Variants in PHACTR3 observed in about 807,000 individuals in gnomAD.
PHACTR3 encodes the protein protein phosphatase 1, regulatory subunit 123.
PHACTR3 carries 16 observed loss-of-function variants against 66.8 expected under a neutral mutation model. The observed-to-expected ratio is 0.24, with a 90% CI of 0.16 to 0.36. The LOEUF is 0.36. Ranked by LOEUF, PHACTR3 falls within the 10% of genes least tolerant of loss-of-function variation. PHACTR3 has a pLI of 1.00. For missense variants in PHACTR3, 647 were observed against 719.9 expected, an observed-to-expected ratio of 0.90 and a Z score of 1.16; for synonymous variants, 323 against 292.1, an observed-to-expected ratio of 1.11 and a Z score of -1.08.
chr20:59,813,958 G>C (rs933214358), intron 8 of PHACTR3, among the ~76,000 whole-genome samples: 5 of 152,252 alleles, frequency 3.3e-5, no homozygotes, highest in African/African-American at 1.2e-4. Flanking sequence ...CACAGCTGCT[G>C]AAAGTGCCGT....
At position 59,776,218 on chromosome 20, in the gene PHACTR3, G is replaced by A. The variant is rs1025277665; in HGVS notation, c.1174+1728G>A. 3.6e-4 allele frequency among the ~76,000 whole-genome samples: 54 copies of A among 151,972 alleles called. 1 individual carries two copies. Among genetic ancestry groups the A allele is most frequent in the African/African-American group, 1.3e-3 (53 of 41,500 alleles). On this transcript the variant is annotated intron_variant, in intron 7 of 12. Coordinates refer to ENST00000371015, the MANE Select transcript of PHACTR3 (RefSeq NM_080672.5). Reference sequence around the variant, plus strand: ...CTTGTGTCCGGGATGCTGGTCTAAGGTTGTGACAAGAAAGGTTTTATCCTC... The same window carrying A: ...CTTGTGTCCGGGATGCTGGTCTAAGATTGTGACAAGAAAGGTTTTATCCTC...
At chr20:59,644,984 A>G (rs1191049064) in intron 1 of PHACTR3, among the ~76,000 whole-genome samples, 4 of 151,924 alleles carry the variant, frequency 2.6e-5, no homozygotes, top group African/African-American at 7.3e-5. Context: ...ATAGGGCCTG[A>G]CAGCACGTTT....
chr20:59,773,234 A>G (rs2040413905), intron 5 of PHACTR3, 45 bp from the exon 6 acceptor site: 1 of 1,579,214 alleles, frequency 6.3e-7, no homozygotes, highest in Non-Finnish European at 8.6e-7. Flanking sequence ...CCTTGGTCCC[A>G]GCTCCTGAAG....
In PHACTR3 at chr20:59,774,416, T is replaced by C; in HGVS notation, c.1100T>C (p.Ile367Thr). 1.9e-6 allele frequency: 3 copies of C among 1,614,048 alleles called. No homozygotes were observed. The highest frequency in any genetic ancestry group is 1.7e-6 in the Non-Finnish European group (2 of 1,179,958). ...KESEENKENL[I>T]INSELKDDLL... ...TCTGAGGAGAACAAGGAGAACCTGA[T>C]CATAAATTCTGAACTCAAAGACGAC... The change falls in exon 7 of 13, where the codon ATC (isoleucine) becomes ACC (threonine). Residue 367 changes from isoleucine to threonine, a missense_variant. This residue lies in a region of PHACTR3 where 577 missense variants were observed against 571.1 expected (regional missense o/e 1.01). Transcript: ENST00000371015.
intron 1 of PHACTR3, among the ~76,000 whole-genome samples, chr20:59,731,166 A>G (rs1200079208): frequency 6.6e-6 from 1 of 152,168 alleles, no homozygotes; most frequent in African/African-American, 2.4e-5. Context: ...GTTGTGTGAT[A>G]TTATTTCTCT....
At chr20:59,693,308 G>C (rs1045676818) in intron 1 of PHACTR3, among the ~76,000 whole-genome samples, 1 of 152,132 alleles carries the variant, frequency 6.6e-6, no homozygotes, top group Non-Finnish European at 1.5e-5. Context: ...TCTTCTCTTT[G>C]TTCTGGGAAT....
At chr20:59,846,185 AAAT>A (rs1329324593) in intron 12 of PHACTR3, among the ~76,000 whole-genome samples, 17 of 152,278 alleles carry the variant, frequency 1.1e-4, no homozygotes, top group Admixed American at 3.3e-4. Flanking sequence ...CCTTAAACTA[AAAT>A]AATAGCTTTA....
chr20:59,605,054 C>G lies in PHACTR3; in HGVS notation c.40C>G (p.Arg14Gly). Reference protein sequence around the residue: ...SEDGSGCLVSRGRSQSDPSVL... With the variant: ...SEDGSGCLVSGGRSQSDPSVL... Reference sequence around the variant, plus strand: ...GGACGGGAGCGGCTGCCTCGTGTCGCGGGGCCGCTCGCAGAGTGACCCCAG... The same window carrying G: ...GGACGGGAGCGGCTGCCTCGTGTCGGGGGGCCGCTCGCAGAGTGACCCCAG... The change falls in exon 1 of 13, where the codon CGG becomes GGG. Residue 14 changes from arginine (R) to glycine (G), a missense_variant. Around this residue, in one of 2 missense-constraint regions of PHACTR3, gnomAD observed 577 missense variants for 571.1 expected, o/e 1.01. Transcript: ENST00000371015. 2 of 1,393,710 alleles carry G rather than the reference C, an allele frequency of 1.4e-6. No homozygotes were observed. Among genetic ancestry groups the G allele is most frequent in the Non-Finnish European group, 9.4e-7 (1 of 1,066,326 alleles). 86.3% of individuals were successfully genotyped at this position (1,393,710 alleles called of 1,614,324 possible). A position where few individuals can be genotyped will look rare whatever the true frequency, so the allele number is the denominator to read the frequency against.
intron 1 of PHACTR3, among the ~76,000 whole-genome samples, chr20:59,668,990 C>T (rs1284250512): frequency 6.6e-6 from 1 of 151,868 alleles, no homozygotes; most frequent in East Asian, 1.9e-4. Flanking sequence ...TTAAATGATC[C>T]TCCCACCTTG....
chr20:59,731,289 T>G (rs2038750405), intron 1 of PHACTR3, among the ~76,000 whole-genome samples: 1 of 152,212 alleles, frequency 6.6e-6, no homozygotes, highest in African/African-American at 2.4e-5. Flanking sequence ...GGAAGAAGTT[T>G]GTAAAAGCAG....
At chr20:59,824,901 A>G (rs935308153) in intron 8 of PHACTR3, among the ~76,000 whole-genome samples, 5 of 152,076 alleles carry the variant, frequency 3.3e-5, no homozygotes, top group Admixed American at 1.3e-4. Context: ...CACACACTCC[A>G]TGTGGTTGTT....
intron 1 of PHACTR3, among the ~76,000 whole-genome samples, chr20:59,687,106 G>A (rs868576919): frequency 7.1e-6 from 1 of 141,052 alleles, no homozygotes; most frequent in African/African-American, 2.5e-5. Context: ...GGTGGTGATA[G>A]TGGTGGTGAC....
chr20:59,790,388 A>G (rs1269155202), intron 7 of PHACTR3, among the ~76,000 whole-genome samples: 7 of 152,214 alleles, frequency 4.6e-5, no homozygotes, highest in African/African-American at 7.2e-5. Context: ...GCCAAAACCT[A>G]CAGTAATCAG....
intron 7 of PHACTR3, among the ~76,000 whole-genome samples, chr20:59,797,438 A>G (rs899315153): frequency 1.3e-5 from 2 of 152,040 alleles, no homozygotes; most frequent in Admixed American, 1.3e-4. Context: ...GTATCTGCAC[A>G]TATTGTGGTA....
At chr20:59,791,922 T>C (rs1197114964) in intron 7 of PHACTR3, among the ~76,000 whole-genome samples, 1 of 152,186 alleles carries the variant, frequency 6.6e-6, no homozygotes, top group Non-Finnish European at 1.5e-5. Flanking sequence ...TGTTTTATGC[T>C]TATACAAGCG....
At chr20:59,778,976 C>G (rs901940363) in intron 7 of PHACTR3, among the ~76,000 whole-genome samples, 1 of 152,232 alleles carries the variant, frequency 6.6e-6, no homozygotes, top group Non-Finnish European at 1.5e-5. Flanking sequence ...GCTGTCTGCA[C>G]CGTGCAATGT....
At chr20:59,711,960 A>C (rs1241379528) in intron 1 of PHACTR3, among the ~76,000 whole-genome samples, 1 of 152,172 alleles carries the variant, frequency 6.6e-6, no homozygotes, top group Non-Finnish European at 1.5e-5. Context: ...TGTTCATTTT[A>C]AAGAGGTCTT....
chr20:59,783,034 T>G (rs1340913005), intron 7 of PHACTR3, among the ~76,000 whole-genome samples: 4 of 152,184 alleles, frequency 2.6e-5, no homozygotes, highest in African/African-American at 9.7e-5. Context: ...AATGCCATTT[T>G]AAGTGTGGGG....
intron 1 of PHACTR3, among the ~76,000 whole-genome samples, chr20:59,607,868 G>A (rs1276599395): frequency 6.6e-6 from 1 of 152,108 alleles, no homozygotes; most frequent in Non-Finnish European, 1.5e-5. Context: ...TATTTGTATT[G>A]TTTCCAGTTT....
Sources: gnomAD v4.1 joint callset for allele counts (sites outside exome capture counted in the v4.1 genomes callset) on GRCh38, gnomAD v4.1.1 for gene constraint, gnomAD v4.1.1 regional missense constraint, MANE v1.5 for transcripts, NCBI Gene and HGNC (gene_info 2026-07-23, HGNC 2026-07-21) for gene names.